PLA2G4D: variants seen among roughly 807,000 people sequenced by gnomAD.
PLA2G4D encodes cytosolic phospholipase A2 delta.
PLA2G4D carries 80 observed loss-of-function variants against 94.4 expected under a neutral mutation model. The observed-to-expected ratio is 0.85, with a 90% CI of 0.71 to 1.02. The LOEUF is 1.02. PLA2G4D is among the 50% of genes least tolerant of loss of function. The pLI is 0.00. For synonymous variants in PLA2G4D, 438 were observed against 440.9 expected (o/e 0.99, Z 0.08); for missense variants, 1,050 against 1,034.7 (o/e 1.01, Z -0.20).
chr15:42,087,328 AAGGCCT>A lies in PLA2G4D; in HGVS notation c.221_226del (p.Glu74_Phe76delinsVal). On this transcript the variant is annotated inframe_deletion, in exon 3 of 20. Transcript: ENST00000290472. ...GACCTGACTTTGGATAAGGAAACGG[AAGGCCT>A]CATTCCACACAGGATGACTGGTGTC... 4 of 1,614,154 alleles carry A rather than the reference AAGGCCT, an allele frequency of 2.5e-6. No homozygotes were observed.
intron 17 of PLA2G4D, 98 bp downstream of exon 17, chr15:42,071,025 C>T: frequency 1.3e-6 from 2 of 1,545,894 alleles, no homozygotes; most frequent in South Asian, 2.4e-5. Flanking sequence ...GGCCACACCC[C>T]AGAAGTGGAT....
intron 1 of PLA2G4D, among the ~76,000 whole-genome samples, chr15:42,093,108 C>T (rs770497950): frequency 1.2e-4 from 19 of 152,110 alleles, no homozygotes; most frequent in Non-Finnish European, 2.5e-4. Flanking sequence ...GCCCAGGTCC[C>T]GCTCTGGGGC....
At chr15:42,075,432 C>T (rs1889901793) in intron 13 of PLA2G4D, among the ~76,000 whole-genome samples, 1 of 152,194 alleles carries the variant, frequency 6.6e-6, no homozygotes, top group Non-Finnish European at 1.5e-5. Context: ...ACCATCAAAA[C>T]TGAATATGAA....
chr15:42,093,273 G>A (rs994981479), intron 1 of PLA2G4D, among the ~76,000 whole-genome samples: 4 of 152,226 alleles, frequency 2.6e-5, no homozygotes, highest in Admixed American at 1.3e-4. Flanking sequence ...TGCTTTCCAG[G>A]TGTGGGGCCG....
intron 1 of PLA2G4D, among the ~76,000 whole-genome samples, chr15:42,091,272 G>A (rs1299866717): frequency 1.3e-5 from 2 of 152,200 alleles, no homozygotes; most frequent in Non-Finnish European, 2.9e-5. Flanking sequence ...GATTATATAT[G>A]AATATCATTA....
At chr15:42,073,984 T>TC in intron 13 of PLA2G4D, among the ~76,000 whole-genome samples, 1 of 152,146 alleles carries the variant, frequency 6.6e-6, no homozygotes, top group East Asian at 1.9e-4. Context: ...AATCTCTAAA[T>TC]AGGGCTCGAT....
chr15:42,081,857 T>C, intron 9 of PLA2G4D, 23 bp from the exon 10 acceptor site: 1 of 1,613,802 alleles, frequency 6.2e-7, no homozygotes, highest in Non-Finnish European at 8.5e-7. Context: ...CCAGAGACTC[T>C]GCTCAGACCC....
chr15:42,088,911 T>C (rs1485948076), intron 1 of PLA2G4D, among the ~76,000 whole-genome samples: 2 of 152,136 alleles, frequency 1.3e-5, no homozygotes, highest in East Asian at 3.9e-4. Context: ...TGAAGGCCTA[T>C]GAAATGCTAA....
intron 1 of PLA2G4D, among the ~76,000 whole-genome samples, chr15:42,093,109 G>A (rs997795040): frequency 5.3e-5 from 8 of 152,140 alleles, no homozygotes; most frequent in Non-Finnish European, 1.0e-4. Flanking sequence ...CCCAGGTCCC[G>A]CTCTGGGGCA....
intron 1 of PLA2G4D, among the ~76,000 whole-genome samples, chr15:42,093,662 C>T (rs1250207701): frequency 2.0e-5 from 3 of 152,200 alleles, no homozygotes; most frequent in East Asian, 1.9e-4. Flanking sequence ...GGCTGAGCCT[C>T]TTCCAGGAGC....
At chr15:42,081,432 T>C (rs1322151068) in intron 11 of PLA2G4D, 47 bp downstream of exon 11, 4 of 1,593,252 alleles carry the variant, frequency 2.5e-6, no homozygotes, top group Non-Finnish European at 3.4e-6. Flanking sequence ...TACTCCCTTA[T>C]GGCCCGTCCA....
chr15:42,080,174 C>A (rs961387234), intron 12 of PLA2G4D, among the ~76,000 whole-genome samples: 16 of 152,086 alleles, frequency 1.1e-4, no homozygotes, highest in African/African-American at 3.6e-4. Context: ...TTCAAATGGT[C>A]AATAAACAAT....
Position 42,084,122 on chromosome 15 carries a change from C to A in PLA2G4D, c.472-343G>T, listed in dbSNP as rs1890095567. 5 of 287,250 alleles carry A rather than the reference C, an allele frequency of 1.7e-5. No individual in the cohort carries two copies. Among genetic ancestry groups the A allele is most frequent in the Admixed American group, 4.6e-5 (1 of 21,812 alleles). 17.8% of individuals were successfully genotyped at this position (287,250 alleles called of 1,614,324 possible). A position where few individuals can be genotyped will look rare whatever the true frequency, so the allele number is the denominator to read the frequency against. On this transcript the variant is annotated intron_variant, in intron 6 of 19. Transcript: ENST00000290472. This position sits in a 1 kb window ranked among gnomAD's most constrained non-coding sequence, Gnocchi z 4.8. ...TGGAGCTGGAGGAGGTATTCTACCACAACTCCAAATAATCTAAGCAAGCCG... is the reference window on the plus strand; with the variant it reads ...TGGAGCTGGAGGAGGTATTCTACCAAAACTCCAAATAATCTAAGCAAGCCG...
intron 3 of PLA2G4D, among the ~76,000 whole-genome samples, chr15:42,087,022 A>T (rs772983894): frequency 3.2e-4 from 49 of 151,996 alleles, no homozygotes; most frequent in Admixed American, 6.6e-4. Context: ...CCCCACAGTG[A>T]CCTGATCAGG....
intron 1 of PLA2G4D, among the ~76,000 whole-genome samples, chr15:42,092,139 G>C (rs537136140): frequency 6.6e-5 from 10 of 152,102 alleles, no homozygotes; most frequent in Non-Finnish European, 1.3e-4. Flanking sequence ...CGACCCTGTG[G>C]GGCTGGTCCC....
At chr15:42,087,271 G>A in intron 3 of PLA2G4D, 29 bp downstream of exon 3, 2 of 1,613,734 alleles carry the variant, frequency 1.2e-6, no homozygotes, top group South Asian at 1.1e-5. Context: ...CCGTTCACAA[G>A]GGAGTGGCCA....
At chr15:42,071,654 AT>A (rs141784593) in intron 15 of PLA2G4D, 103 bp from the exon 16 acceptor site, 99,934 of 1,392,914 alleles carry the variant, frequency 0.072, 5,509 homozygotes, top group Middle Eastern at 0.092. Flanking sequence ...CCTACAATGC[AT>A]CCCCCCCGCC....
Position 42,083,592 on chromosome 15 carries a change from T to C in PLA2G4D, c.535+124A>G, listed in dbSNP as rs1890084035. On this transcript the variant is annotated intron_variant, in intron 7 of 19. Coordinates refer to ENST00000290472, the MANE Select transcript of PLA2G4D (RefSeq NM_178034.4). ...GAGATGCGTGGCCCTCTGTGCCATG[T>C]GGGTGAGAAGAGAGAGGCAAGCTCT... is the stretch of plus-strand genomic sequence containing the variant. The C allele has an allele frequency of 3.2e-6, 4 of 1,247,728 alleles. No homozygotes were observed. The East Asian group carries it at 9.3e-5, about 29-fold the overall frequency. 77.3% of individuals were successfully genotyped at this position (1,247,728 alleles called of 1,614,324 possible).
chr15:42,071,869 T>A lies in PLA2G4D; in HGVS notation c.1478A>T (p.Tyr493Phe), dbSNP rs770315347. Residue 493 changes from tyrosine (Y) to phenylalanine (F), a missense_variant, in exon 15 of 20, where the codon TAC becomes TTC. Coordinates refer to ENST00000290472, the MANE Select transcript of PLA2G4D (RefSeq NM_178034.4). Reference protein sequence around the residue: ...FSPYEVGFLKYGAFVPPELFG... With the variant: ...FSPYEVGFLKFGAFVPPELFG... ...GAGCTCAGGAGGGACGAAGGCCCCGTACTTCAGGAAACCGACCTCATAGGG... is the reference window on the plus strand; with the variant it reads ...GAGCTCAGGAGGGACGAAGGCCCCGAACTTCAGGAAACCGACCTCATAGGG... The A allele has an allele frequency of 6.2e-7, 1 of 1,614,178 alleles. No individual in the cohort carries two copies. The highest frequency in any genetic ancestry group is 1.1e-5 in the South Asian group (1 of 91,086).
Sources: gnomAD v4.1 joint callset for allele counts (sites outside exome capture counted in the v4.1 genomes callset) on GRCh38, gnomAD v4.1.1 for gene constraint, Gnocchi (gnomAD v3.1) non-coding constraint, MANE v1.5 for transcripts, NCBI Gene and HGNC (gene_info 2026-07-23, HGNC 2026-07-21) for gene names.